Variants in OXR1 observed in about 807,000 individuals in gnomAD.
OXR1 encodes the protein oxidation resistance protein 1.
A neutral mutation model predicts 104.6 loss-of-function variants in OXR1; 41 were observed. The ratio of observed to expected loss-of-function variants is 0.39; its 90% confidence interval spans 0.31 to 0.51. The LOEUF is 0.51. Among genes scored for constraint, OXR1 ranks in the 20% least tolerant of loss-of-function variants. The pLI is 0.77. For missense variants in OXR1, 955 were observed against 1,031.9 expected, an observed-to-expected ratio of 0.93 and a Z score of 1.02; for synonymous variants, 348 against 348.4, an observed-to-expected ratio of 1.00 and a Z score of 0.01.
chr8:106,620,122 C>G (rs1258469768), intron 3 of OXR1, among the ~76,000 whole-genome samples: 1 of 152,258 alleles, frequency 6.6e-6, no homozygotes, highest in Non-Finnish European at 1.5e-5. Context: ...TTGTACCCAT[C>G]CATAGGCACT....
Position 106,590,970 on chromosome 8 carries a change from T to G in OXR1, c.220+71831T>G, listed in dbSNP as rs937005828. On this transcript the variant is annotated intron_variant, in intron 3 of 16. Transcript: ENST00000517566. ...TTTGAGATAAGTACACATTTTGAGA[T>G]AAGTACATAGTTAGATAAGCTTGCC... Among the ~76,000 whole-genome samples, 4 of 152,058 alleles carry G rather than the reference T, an allele frequency of 2.6e-5. No individual in the cohort carries two copies. In the East Asian group the frequency reaches 5.9e-4, roughly 22 times the overall value.
chr8:106,438,675 T>G (rs915112772), intron 2 of OXR1, among the ~76,000 whole-genome samples: 2 of 152,128 alleles, frequency 1.3e-5, no homozygotes, highest in African/African-American at 4.8e-5. Context: ...TTCTTAGTGT[T>G]AAATCAAATA....
chr8:106,317,340 G>T (rs982113778), intron 1 of OXR1, among the ~76,000 whole-genome samples: 3 of 152,096 alleles, frequency 2.0e-5, no homozygotes, highest in Non-Finnish European at 4.4e-5. Flanking sequence ...CCTAAATTTT[G>T]CTTAAGTGTC....
chr8:106,296,624 C>T (rs1813006315), intron 1 of OXR1, among the ~76,000 whole-genome samples: 1 of 152,166 alleles, frequency 6.6e-6, no homozygotes, highest in Non-Finnish European at 1.5e-5. Context: ...ATTGACTGAA[C>T]TCTAGTGATC....
intron 2 of OXR1, among the ~76,000 whole-genome samples, chr8:106,505,342 G>A (rs1372604213): frequency 1.3e-5 from 2 of 152,212 alleles, no homozygotes; most frequent in Admixed American, 6.5e-5. Flanking sequence ...AATTCATATA[G>A]TATATGTTTT....
intron 2 of OXR1, among the ~76,000 whole-genome samples, chr8:106,449,793 C>A (rs961158755): frequency 6.6e-6 from 1 of 151,930 alleles, no homozygotes; most frequent in African/African-American, 2.4e-5. Flanking sequence ...AAGAGGATTT[C>A]TTTTACTTTT....
chr8:106,472,711 T>C (rs138051089), intron 2 of OXR1, among the ~76,000 whole-genome samples: 26 of 151,932 alleles, frequency 1.7e-4, no homozygotes, highest in African/African-American at 6.3e-4. Context: ...CTCCAGTCTT[T>C]TTTCTTTCTA....
intron 1 of OXR1, among the ~76,000 whole-genome samples, chr8:106,303,537 C>A (rs1286485213): frequency 6.6e-6 from 1 of 151,470 alleles, no homozygotes; most frequent in African/African-American, 2.4e-5. Flanking sequence ...CGAGCCCGGC[C>A]GGAACTTGGC....
chr8:106,606,749 G>A (rs757818489), intron 3 of OXR1, among the ~76,000 whole-genome samples: 5 of 151,870 alleles, frequency 3.3e-5, no homozygotes, highest in Non-Finnish European at 7.4e-5. Flanking sequence ...TTCCATCTGC[G>A]TCCTTAATTT....
intron 3 of OXR1, among the ~76,000 whole-genome samples, chr8:106,551,900 GTATT>G (rs1815866964): frequency 7.3e-6 from 1 of 137,390 alleles, no homozygotes; most frequent in Non-Finnish European, 1.6e-5. Flanking sequence ...GTGTGTGTGT[GTATT>G]TATATATATA....
intron 1 of OXR1, among the ~76,000 whole-genome samples, chr8:106,316,258 T>G (rs1453483962): frequency 1.3e-5 from 2 of 152,178 alleles, no homozygotes; most frequent in Admixed American, 1.3e-4. Flanking sequence ...TCAAAGCTTT[T>G]TTCTTTTTCT....
chr8:106,724,638 A>G (rs1363331379), intron 11 of OXR1, among the ~76,000 whole-genome samples: 1 of 152,192 alleles, frequency 6.6e-6, no homozygotes. Flanking sequence ...GCATTCTGGT[A>G]TAACAAATAC....
intron 1 of OXR1, among the ~76,000 whole-genome samples, chr8:106,344,259 A>C (rs948525908): frequency 1.3e-5 from 2 of 152,168 alleles, no homozygotes; most frequent in African/African-American, 4.8e-5. Context: ...CCCACGAACT[A>C]CAGTTTCTCT....
chr8:106,563,151 G>A lies in OXR1; in HGVS notation c.220+44012G>A, dbSNP rs189343619. Among the ~76,000 whole-genome samples the A allele has an allele frequency of 4.6e-5, 7 of 152,170 alleles. 1 individual carries two copies. Among genetic ancestry groups the A allele is most frequent in the African/African-American group, 1.7e-4 (7 of 41,478 alleles). ...AACCTTAAATGTTAACGGGCCAAAT[G>A]TCTCAGTTAAAAGGCACAGACTGGC... On this transcript the variant is annotated intron_variant, in intron 3 of 16. Transcript: ENST00000517566.
At chr8:106,289,064 A>G (rs186103728) in intron 1 of OXR1, among the ~76,000 whole-genome samples, 231 of 152,274 alleles carry the variant, frequency 1.5e-3, no homozygotes, top group African/African-American at 5.4e-3. Context: ...CACAGCCAGC[A>G]TCATACTGAA....
intron 1 of OXR1, chr8:106,272,572 G>A (rs1433727039): frequency 1.3e-5 from 2 of 152,270 alleles, no homozygotes; most frequent in Non-Finnish European, 2.9e-5. Context: ...GGCACGAGTT[G>A]TCTTGCAAGG....
At chr8:106,452,789 G>T (rs1200931553) in intron 2 of OXR1, among the ~76,000 whole-genome samples, 2 of 151,952 alleles carry the variant, frequency 1.3e-5, no homozygotes, top group African/African-American at 4.8e-5. Context: ...TTCTTTCTAT[G>T]TGGAATCCAA....
chr8:106,743,004 A>C (rs936111453), intron 15 of OXR1, among the ~76,000 whole-genome samples: 3 of 152,188 alleles, frequency 2.0e-5, no homozygotes, highest in Non-Finnish European at 2.9e-5. Flanking sequence ...GAGTGAACAG[A>C]CAGCCTACAG....
intron 3 of OXR1, among the ~76,000 whole-genome samples, chr8:106,611,458 G>C (rs1467932943): frequency 6.6e-6 from 1 of 152,190 alleles, no homozygotes; most frequent in Admixed American, 6.5e-5. Flanking sequence ...AGTGAATGGA[G>C]AACACAAACT....
Sources: gnomAD v4.1 joint callset for allele counts (sites outside exome capture counted in the v4.1 genomes callset) on GRCh38, gnomAD v4.1.1 for gene constraint, MANE v1.5 for transcripts, NCBI Gene and HGNC (gene_info 2026-07-23, HGNC 2026-07-21) for gene names.